The following TSPOAP1 variants were observed in gnomAD, a reference collection of about 807,000 sequenced individuals.
TSPOAP1 encodes peripheral-type benzodiazepine receptor-associated protein 1.
In TSPOAP1, 87 loss-of-function variants were observed where a neutral mutation model predicts 197.0. The observed-to-expected ratio is 0.44, with a 90% CI of 0.37 to 0.53. The LOEUF is 0.53. TSPOAP1 is among the 20% of genes least tolerant of loss of function. TSPOAP1 has a pLI of 0.00. For synonymous variants in TSPOAP1, 913 were observed against 998.9 expected (o/e 0.91, Z 1.62); for missense variants, 2,174 against 2,411.3 (o/e 0.90, Z 2.06).
chr17:58,323,617 T>TGCCCAGAGCAGGTTCCCACCCC, intron 5 of TSPOAP1, 72 bp from the exon 6 acceptor site: 2 of 1,517,370 alleles, frequency 1.3e-6, no homozygotes, highest in Non-Finnish European at 1.8e-6. Context: ...CAGCCCAGCC[T>TGCCCAGAGCAGGTTCCCACCCC]GCCCAGAGCA....
At chr17:58,315,177 C>T (rs1214643614) in intron 16 of TSPOAP1, among the ~76,000 whole-genome samples, 1 of 152,168 alleles carries the variant, frequency 6.6e-6, no homozygotes, top group Non-Finnish European at 1.5e-5. Flanking sequence ...GCCACAAAGC[C>T]AGGTACCATG....
intron 22 of TSPOAP1, 119 bp downstream of exon 22, chr17:58,308,422 C>G: frequency 1.4e-6 from 2 of 1,430,616 alleles, no homozygotes; most frequent in Non-Finnish European, 1.8e-6. Context: ...CCCGGAGGCC[C>G]GGCCCCACCT....
rs1323984798 is a variant in TSPOAP1, at chr17:58,309,694, T to C, written c.3891+273A>G. On this transcript the variant is annotated intron_variant, in intron 21 of 31. Transcript: ENST00000343736. The surrounding 1 kb of genome is among the most constrained non-coding windows in gnomAD (Gnocchi z 5.0). ...CCCAGAAGCTACCAGCACAAGGATC[T>C]TAGGTGGCACCGGCCTCCCCTGGCC... Among the ~76,000 whole-genome samples, 1 of 152,176 alleles carries C rather than the reference T, an allele frequency of 6.6e-6. No individual in the cohort carries two copies. The highest frequency in any genetic ancestry group is 1.5e-5 in the Non-Finnish European group (1 of 68,028).
At position 58,311,069 on chromosome 17, in the gene TSPOAP1, G is replaced by A. The variant is rs760975543; in HGVS notation, c.3226C>T (p.Pro1076Ser). Residue 1076 changes from proline to serine, a missense_variant, in exon 19 of 32, where the codon CCC becomes TCC. Pro to Ser is a moderately conservative substitution (Grantham distance 74). Coordinates refer to ENST00000343736, the MANE Select transcript of TSPOAP1 (RefSeq NM_004758.4). ...SADSIPAPIT[P>S]ALAPASLPAR... Reference sequence around the variant, plus strand: ...GGCAGGCTGGCCGGAGCCAGGGCGGGAGTGATAGGAGCCGGGATGGAGTCC... The same window carrying A: ...GGCAGGCTGGCCGGAGCCAGGGCGGAAGTGATAGGAGCCGGGATGGAGTCC... 5.1e-6 allele frequency: 8 copies of A among 1,579,224 alleles called. No individual in the cohort carries two copies. The highest frequency in any genetic ancestry group is 1.3e-5 in the African/African-American group (1 of 74,226).
At chr17:58,313,762 G>A (rs1971138373) in intron 16 of TSPOAP1, among the ~76,000 whole-genome samples, 1 of 152,164 alleles carries the variant, frequency 6.6e-6, no homozygotes, top group East Asian at 1.9e-4. Context: ...AATCTTTAGA[G>A]ACAAATGAAG....
At chr17:58,319,909 T>C (rs1255357925) in intron 12 of TSPOAP1, among the ~76,000 whole-genome samples, 200 bp downstream of exon 12, 2 of 152,016 alleles carry the variant, frequency 1.3e-5, no homozygotes, top group African/African-American at 4.8e-5. Context: ...GCCCAGTGTC[T>C]GACAGACACG....
chr17:58,324,630 A>G lies in TSPOAP1; in HGVS notation c.942+181T>C, dbSNP rs966443416. ...CCCCAGGGGAGGGCACGGCGCAGGT[A>G]CGAGCACGGGAGGCTTGGAGGTGGA... is the stretch of plus-strand genomic sequence containing the variant. On this transcript the variant is annotated intron_variant, in intron 5 of 31. Coordinates refer to ENST00000343736, the MANE Select transcript of TSPOAP1 (RefSeq NM_004758.4). The surrounding 1 kb of genome is among the most constrained non-coding windows in gnomAD (Gnocchi z 5.8). Among the ~76,000 whole-genome samples the G allele has an allele frequency of 1.3e-5, 2 of 151,956 alleles. No homozygotes were observed. Among genetic ancestry groups the G allele is most frequent in the Non-Finnish European group, 2.9e-5 (2 of 67,910 alleles).
chr17:58,311,729 G>A lies in TSPOAP1; in HGVS notation c.2930-7C>T, dbSNP rs201425557. On this transcript the variant is annotated splice_polypyrimidine_tract_variant and splice_region_variant and intron_variant, in intron 17 of 31. Transcript: ENST00000343736. Reference sequence around the variant, plus strand: ...AGAGGGGCATCAGGTGGGCCTGGGGGCAGGGGGGCACAAGACCCAGTGATG... The same window carrying A: ...AGAGGGGCATCAGGTGGGCCTGGGGACAGGGGGGCACAAGACCCAGTGATG... 3.2e-4 allele frequency: 491 copies of A among 1,556,892 alleles called. 4 individuals are homozygous for A. In the East Asian group the frequency reaches 0.011, roughly 35 times the overall value.
intron 5 of TSPOAP1, among the ~76,000 whole-genome samples, chr17:58,323,888 G>T (rs1469960400): frequency 5.9e-5 from 9 of 152,226 alleles, no homozygotes. Flanking sequence ...TGTCCTGGGT[G>T]TCCTTCAGCG....
chr17:58,325,810 T>A (rs1567852173), intron 3 of TSPOAP1, 97 bp from the exon 4 acceptor site: 6 of 1,351,928 alleles, frequency 4.4e-6, no homozygotes, highest in Non-Finnish European at 6.0e-6. Context: ...CATGAAAACC[T>A]AGGGGGGTAG....
chr17:58,308,231 G>A (rs1264578354), intron 22 of TSPOAP1, among the ~76,000 whole-genome samples: 1 of 152,254 alleles, frequency 6.6e-6, no homozygotes, highest in Non-Finnish European at 1.5e-5. Flanking sequence ...ATCAGGGCAG[G>A]TAACCCTGGA....
In TSPOAP1 at chr17:58,324,735, G is replaced by A; in HGVS notation, c.942+76C>T. The A allele has an allele frequency of 7.8e-7, 1 of 1,288,078 alleles. No homozygotes were observed. The highest frequency in any genetic ancestry group is 1.0e-6 in the Non-Finnish European group (1 of 969,806). 79.8% of individuals were successfully genotyped at this position (1,288,078 alleles called of 1,614,324 possible). A position where few individuals can be genotyped will look rare whatever the true frequency, so the allele number is the denominator to read the frequency against. ...GAGTCCTTGGGGTTCTGAGCACGGT[G>A]CAGGGGAGATCCCGGTGGTCGTTCC... On this transcript the variant is annotated intron_variant, in intron 5 of 31. Coordinates refer to ENST00000343736, the MANE Select transcript of TSPOAP1 (RefSeq NM_004758.4). The surrounding 1 kb of genome is among the most constrained non-coding windows in gnomAD (Gnocchi z 5.8).
At position 58,328,089 on chromosome 17, in the gene TSPOAP1, A is replaced by T. The variant is rs1971710204; in HGVS notation, c.-169T>A. ...TCCCCACCCACAAAGGAGGCTGCAG[A>T]AGGCGCCAGGGCTGCTGGAGCTGGA... On this transcript the variant is annotated 5_prime_UTR_variant, in exon 1 of 32. Coordinates refer to ENST00000343736, the MANE Select transcript of TSPOAP1 (RefSeq NM_004758.4). This position sits in a 1 kb window ranked among gnomAD's most constrained non-coding sequence, Gnocchi z 4.3. The T allele has an allele frequency of 1.5e-6, 1 of 649,958 alleles. No individual in the cohort carries two copies. Among genetic ancestry groups the T allele is most frequent in the Non-Finnish European group, 2.6e-6 (1 of 384,218 alleles). The allele number at this position is 649,958 out of a possible 1,614,324, so 40.3% of individuals were successfully genotyped here.
intron 24 of TSPOAP1, 133 bp from the exon 25 acceptor site, chr17:58,307,101 G>T (rs1252398260): frequency 2.1e-6 from 2 of 968,086 alleles, no homozygotes; most frequent in Non-Finnish European, 3.0e-6. Context: ...TGGGAAAAGG[G>T]GGAAAACAGC....
Position 58,306,902 on chromosome 17 carries a change from G to C in TSPOAP1, c.5050C>G (p.Pro1684Ala). The C allele has an allele frequency of 6.2e-7, 1 of 1,613,552 alleles. No individual in the cohort carries two copies. Among genetic ancestry groups the C allele is most frequent in the East Asian group, 2.2e-5 (1 of 44,890 alleles). Residue 1684 changes from proline (P) to alanine (A), a missense_variant, in exon 25 of 32, where the codon CCC becomes GCC. Physicochemically the swap from Pro to Ala is conservative, Grantham distance 27. This residue lies in a region of TSPOAP1 where 161 missense variants were observed against 159.1 expected (regional missense o/e 1.01). Coordinates refer to ENST00000343736, the MANE Select transcript of TSPOAP1 (RefSeq NM_004758.4). ...GEGGGRTGYI[P>A]CNMVAEVAVD... ...GCCACCTCAGCCACCATGTTGCAGGGAATGTAGCCTGTCCGGCCCCCACCT... is the reference window on the plus strand; with the variant it reads ...GCCACCTCAGCCACCATGTTGCAGGCAATGTAGCCTGTCCGGCCCCCACCT...
In TSPOAP1 at chr17:58,301,771, G is replaced by A. The variant is rs183039199; in HGVS notation, c.*709C>T. ...GAGTATATACATATATACAGGCTCC[G>A]CCCGCCTGCCCGCTGGGGAGATGGG... On this transcript the variant is annotated 3_prime_UTR_variant, in exon 32 of 32. Coordinates refer to ENST00000343736, the MANE Select transcript of TSPOAP1 (RefSeq NM_004758.4). The A allele has an allele frequency of 1.4e-4, 22 of 157,758 alleles. No individual in the cohort carries two copies. The highest frequency in any genetic ancestry group is 2.4e-4 in the Non-Finnish European group (17 of 70,946). 9.8% of individuals were successfully genotyped at this position (157,758 alleles called of 1,614,324 possible).
Position 58,327,984 on chromosome 17 carries a change from G to A in TSPOAP1, c.-64C>T. ...ATCACCCAGCCAGGTGGGGGGACTG[G>A]CGAGGGTCATGCCAGGCCAGCCCCT... On this transcript the variant is annotated 5_prime_UTR_variant, in exon 1 of 32. Coordinates refer to ENST00000343736, the MANE Select transcript of TSPOAP1 (RefSeq NM_004758.4). The A allele has an allele frequency of 7.1e-7, 1 of 1,414,098 alleles. No homozygotes were observed. The highest frequency in any genetic ancestry group is 1.3e-5 in the South Asian group (1 of 75,494). The allele number at this position is 1,414,098 out of a possible 1,614,324, so 87.6% of individuals were successfully genotyped here.
rs1567841653 is a variant in TSPOAP1 at position 58,310,649 on chromosome 17, T to C, written c.3562A>G (p.Lys1188Glu). 3 of 1,612,954 alleles carry C rather than the reference T, an allele frequency of 1.9e-6. No homozygotes were observed. Reference protein sequence around the residue: ...DPGPAAPSLAKQEAEWTAGEA... With the variant: ...DPGPAAPSLAEQEAEWTAGEA... ...CCTGCAGTCCACTCGGCCTCCTGCTTGGCCAGTGAGGGAGCTGCGGGGCCA... is the reference window on the plus strand; with the variant it reads ...CCTGCAGTCCACTCGGCCTCCTGCTCGGCCAGTGAGGGAGCTGCGGGGCCA... Residue 1188 changes from lysine to glutamate, a missense_variant, in exon 20 of 32, where the codon AAG becomes GAG. Lys to Glu is a moderately conservative substitution (Grantham distance 56). Transcript: ENST00000343736.
rs915053389 is a variant in TSPOAP1, at chr17:58,312,253, G to A, written c.2568C>T (p.His856=). ...GGCTAGTCAGGGCCTGGACAGAAAT[G>A]TGAAGGGGCCCGGCCCACAGGTCCA... The part of the protein sequence containing the change: ...ENLDLWAGPL[H]ISVQALTSRG... Residue 856 remains histidine, a synonymous_variant, in exon 17 of 32, where the codon CAC becomes CAT. Coordinates refer to ENST00000343736, the MANE Select transcript of TSPOAP1 (RefSeq NM_004758.4). The A allele has an allele frequency of 1.2e-5, 19 of 1,612,648 alleles. No homozygotes were observed. Among genetic ancestry groups the A allele is most frequent in the Non-Finnish European group, 1.6e-5 (19 of 1,179,730 alleles).
Sources: allele counts gnomAD v4.1 joint callset (sites outside exome capture counted in the v4.1 genomes callset), GRCh38; gene constraint gnomAD v4.1.1; regional missense constraint gnomAD v4.1.1; non-coding constraint Gnocchi (gnomAD v3.1); transcripts MANE v1.5; gene names NCBI Gene and HGNC (gene_info 2026-07-23, HGNC 2026-07-21).